The following TSHZ2 variants were observed in gnomAD, a reference collection of about 807,000 sequenced individuals.
The protein encoded by TSHZ2 is teashirt homolog 2.
Under a neutral mutation model 74.4 loss-of-function variants are expected in TSHZ2, and 21 were observed. The observed-to-expected ratio is 0.28, with a 90% CI of 0.20 to 0.41. The LOEUF (loss-of-function observed/expected upper bound fraction) is 0.41. TSHZ2 is among the 10% of genes least tolerant of loss of function. TSHZ2 has a pLI of 1.00. For synonymous variants in TSHZ2, 540 were observed against 515.3 expected (o/e 1.05, Z -0.65); for missense variants, 1,244 against 1,293.5 (o/e 0.96, Z 0.59).
At chr20:53,484,293 C>T (rs1279345883) in intron 2 of TSHZ2, among the ~76,000 whole-genome samples, 1 of 152,034 alleles carries the variant, frequency 6.6e-6, no homozygotes, top group Non-Finnish European at 1.5e-5. Flanking sequence ...AGCTTGGAAG[C>T]TTCAGAGTAG....
chr20:53,093,912 C>T (rs1230028263), intron 1 of TSHZ2, among the ~76,000 whole-genome samples: 1 of 152,032 alleles, frequency 6.6e-6, no homozygotes, highest in Non-Finnish European at 1.5e-5. Flanking sequence ...CTTCAAACTA[C>T]TTCATGATTT....
chr20:53,332,263 C>G (rs1979754911), intron 2 of TSHZ2, among the ~76,000 whole-genome samples: 1 of 152,174 alleles, frequency 6.6e-6, no homozygotes, highest in South Asian at 2.1e-4. Flanking sequence ...AAAAACAGCT[C>G]CTAGCCTAGT....
chr20:53,015,968 G>A (rs1262152705), intron 1 of TSHZ2, among the ~76,000 whole-genome samples: 3 of 152,142 alleles, frequency 2.0e-5, no homozygotes, highest in East Asian at 1.9e-4. Flanking sequence ...TAAAAATCCC[G>A]ATTTAATGAT....
At chr20:53,217,373 C>T (rs752785949) in intron 1 of TSHZ2, among the ~76,000 whole-genome samples, 2 of 152,080 alleles carry the variant, frequency 1.3e-5, no homozygotes, top group African/African-American at 2.4e-5. Context: ...TTATTATTCC[C>T]ATTTTAAAGA....
chr20:53,326,476 G>A lies in TSHZ2; in HGVS notation c.*8+69905G>A, dbSNP rs78224842. Among the ~76,000 whole-genome samples the A allele has an allele frequency of 6.1e-3, 925 of 152,270 alleles. 8 individuals are homozygous for A. The highest frequency in any genetic ancestry group is 9.3e-3 in the Non-Finnish European group (634 of 68,034). On this transcript the variant is annotated intron_variant, in intron 2 of 2. Transcript: ENST00000371497. ...CCTCAGCAACGCCCATGATAGAGGT[G>A]CAGTAACTTATCTTTTAGCTGTACA...
chr20:53,295,094 C>T (rs538160442), intron 2 of TSHZ2, among the ~76,000 whole-genome samples: 2 of 152,294 alleles, frequency 1.3e-5, no homozygotes, highest in East Asian at 1.9e-4. Flanking sequence ...ATTTTGTCCT[C>T]GTACCCTCCA....
At position 52,977,421 on chromosome 20, in the gene TSHZ2, T is replaced by TAC. The variant is rs36230826; in HGVS notation, c.40+4135_40+4136dup. Among the ~76,000 whole-genome samples, 1,216 of 141,456 alleles carry TAC rather than the reference T, an allele frequency of 8.6e-3. 11 individuals carry two copies. Among genetic ancestry groups the TAC allele is most frequent in the African/African-American group, 0.015 (563 of 38,114 alleles). 92.8% of individuals were successfully genotyped at this position (141,456 alleles called of 152,430 possible). A position where few individuals can be genotyped will look rare whatever the true frequency, so the allele number is the denominator to read the frequency against. On this transcript the variant is annotated intron_variant, in intron 1 of 2. Coordinates refer to ENST00000371497, the MANE Select transcript of TSHZ2 (RefSeq NM_173485.6). ...TGTTTTTAACAAATGAATGGAAAAA[T>TAC]ACACACACACACACACACACACACA...
intron 2 of TSHZ2, among the ~76,000 whole-genome samples, chr20:53,339,067 G>A (rs965362059): frequency 6.6e-6 from 1 of 152,180 alleles, no homozygotes; most frequent in African/African-American, 2.4e-5. Context: ...ATTAAGCTCA[G>A]CATTGTCACC....
At chr20:52,995,781 T>G (rs992070798) in intron 1 of TSHZ2, among the ~76,000 whole-genome samples, 3 of 125,080 alleles carry the variant, frequency 2.4e-5, no homozygotes, top group Admixed American at 2.3e-4. Flanking sequence ...CCTGGCTAAT[T>G]TTTGTATTTT....
rs550643393 is a variant in TSHZ2, at chr20:53,370,526, C to T, written c.*8+113955C>T. ...CTGTGATCCCAGCACTTTGGAAGAC[C>T]GAGGCAGACGGATAGATTGAGCCCA... On this transcript the variant is annotated intron_variant, in intron 2 of 2. Transcript: ENST00000371497. Among the ~76,000 whole-genome samples, 8 of 152,208 alleles carry T rather than the reference C, an allele frequency of 5.3e-5. No homozygotes were observed. The South Asian group carries it at 8.3e-4, about 16-fold the overall frequency.
intron 1 of TSHZ2, among the ~76,000 whole-genome samples, chr20:52,991,011 GA>G (rs1981964334): frequency 6.6e-6 from 1 of 152,168 alleles, no homozygotes; most frequent in Non-Finnish European, 1.5e-5. Flanking sequence ...CGTGAGTTGT[GA>G]ATACATGTAT....
intron 1 of TSHZ2, among the ~76,000 whole-genome samples, chr20:53,103,201 G>T (rs1442890340): frequency 6.6e-6 from 1 of 152,108 alleles, no homozygotes; most frequent in African/African-American, 2.4e-5. Flanking sequence ...TAATATGCAA[G>T]AATTATACCT....
rs1046283988 is a variant in TSHZ2 at position 53,037,595 on chromosome 20, T to C, written c.40+64262T>C. Among the ~76,000 whole-genome samples, 29 of 152,336 alleles carry C rather than the reference T, an allele frequency of 1.9e-4. No homozygotes were observed. In the East Asian group the frequency reaches 3.3e-3, roughly 17 times the overall value. ...GGCTTGGGGCTGTTGATCAGACCTA[T>C]TTTTACGGGTAAGTTTCTAGGGGTC... On this transcript the variant is annotated intron_variant, in intron 1 of 2. Transcript: ENST00000371497.
At chr20:53,138,680 G>A (rs1987314558) in intron 1 of TSHZ2, among the ~76,000 whole-genome samples, 1 of 152,080 alleles carries the variant, frequency 6.6e-6, no homozygotes, top group Admixed American at 6.5e-5. Context: ...GTTTACATGT[G>A]CCAAACTTTG....
At chr20:53,376,138 C>G (rs1182100596) in intron 2 of TSHZ2, among the ~76,000 whole-genome samples, 1 of 152,186 alleles carries the variant, frequency 6.6e-6, no homozygotes, top group Non-Finnish European at 1.5e-5. Flanking sequence ...ACATTCCAGA[C>G]AGGGATACCA....
chr20:53,454,444 C>T (rs894025424), intron 2 of TSHZ2, among the ~76,000 whole-genome samples: 5 of 151,984 alleles, frequency 3.3e-5, no homozygotes, highest in Non-Finnish European at 1.5e-5. Context: ...TGCCTGTAGT[C>T]CCAGCTACTC....
At chr20:53,079,185 C>T (rs1037618674) in intron 1 of TSHZ2, among the ~76,000 whole-genome samples, 1 of 152,170 alleles carries the variant, frequency 6.6e-6, no homozygotes, top group Non-Finnish European at 1.5e-5. Context: ...GTTAGCTCTA[C>T]TAACTACTTT....
At chr20:53,469,957 A>G (rs1000863400) in intron 2 of TSHZ2, among the ~76,000 whole-genome samples, 2 of 152,110 alleles carry the variant, frequency 1.3e-5, no homozygotes, top group African/African-American at 2.4e-5. Flanking sequence ...CACAACCCAG[A>G]TATTACTGAT....
In TSHZ2 at chr20:53,069,662, TACACACACACACACACACAC is replaced by T. The variant is rs11471151; in HGVS notation, c.40+96358_40+96377del. Among the ~76,000 whole-genome samples, 213 of 138,972 alleles carry T rather than the reference TACACACACACACACACACAC, an allele frequency of 1.5e-3. 2 individuals carry two copies. In the South Asian group the frequency reaches 0.02, roughly 13 times the overall value. 91.2% of individuals were successfully genotyped at this position (138,972 alleles called of 152,430 possible). ...GCCTAGCAAAAGGTCAATGCTTTGA[TACACACACACACACACACAC>T]ACACACACACACACACACACACACA... On this transcript the variant is annotated intron_variant, in intron 1 of 2. Coordinates refer to ENST00000371497, the MANE Select transcript of TSHZ2 (RefSeq NM_173485.6).
Sources: allele counts gnomAD v4.1 joint callset (sites outside exome capture counted in the v4.1 genomes callset), GRCh38; gene constraint gnomAD v4.1.1; transcripts MANE v1.5; gene names NCBI Gene and HGNC (gene_info 2026-07-23, HGNC 2026-07-21).